The following ADAP1 variants were observed in gnomAD, a reference collection of about 807,000 sequenced individuals.
ADAP1 encodes arf-GAP with dual PH domain-containing protein 1.
ADAP1 carries 31 observed loss-of-function variants against 54.9 expected under a neutral mutation model. The observed-to-expected ratio is 0.56, with a 90% CI of 0.42 to 0.76. ADAP1 has a LOEUF of 0.76. Among genes scored for constraint, ADAP1 ranks in the 30% least tolerant of loss-of-function variants. ADAP1 has a pLI of 0.00. For missense variants in ADAP1, 535 were observed against 512.4 expected, an observed-to-expected ratio of 1.04 and a Z score of -0.42; for synonymous variants, 313 against 202.6, an observed-to-expected ratio of 1.55 and a Z score of -4.63.
chr7:921,483 G>C (rs1846189835), intron 3 of ADAP1, among the ~76,000 whole-genome samples: 1 of 152,148 alleles, frequency 6.6e-6, no homozygotes, highest in Non-Finnish European at 1.5e-5. Flanking sequence ...CCACGACTTG[G>C]TAATTTTTTA....
intron 5 of ADAP1, 70 bp from the exon 6 acceptor site, chr7:904,342 A>C: frequency 6.6e-7 from 1 of 1,505,912 alleles, no homozygotes. Flanking sequence ...GGAAGGGCAG[A>C]CCCTGTGGGT....
In ADAP1 at chr7:945,043, C is replaced by T. The variant is rs1583188073; in HGVS notation, c.82+9353G>A. Reference sequence around the variant, plus strand: ...ATGCTGAAGCTCTGCAGGGTGGGCTCACGTGTGTGTGTGCAGGTGTGTGTG... The same window carrying T: ...ATGCTGAAGCTCTGCAGGGTGGGCTTACGTGTGTGTGTGCAGGTGTGTGTG... On this transcript the variant is annotated intron_variant, in intron 1 of 10. Transcript: ENST00000265846. The surrounding 1 kb of genome is among the most constrained non-coding windows in gnomAD (Gnocchi z 4.2). Among the ~76,000 whole-genome samples, 1 of 152,204 alleles carries T rather than the reference C, an allele frequency of 6.6e-6. No homozygotes were observed. Among genetic ancestry groups the T allele is most frequent in the East Asian group, 1.9e-4 (1 of 5,164 alleles).
rs765650394 is a variant in ADAP1 at position 935,371 on chromosome 7, G to T, written c.213+4C>A. The T allele has an allele frequency of 3.9e-6, 6 of 1,524,442 alleles. No homozygotes were observed. Among genetic ancestry groups the T allele is most frequent in the Non-Finnish European group, 5.3e-6 (6 of 1,127,336 alleles). 94.4% of individuals were successfully genotyped at this position (1,524,442 alleles called of 1,614,324 possible). A position where few individuals can be genotyped will look rare whatever the true frequency, so the allele number is the denominator to read the frequency against. On this transcript the variant is annotated splice_donor_region_variant and intron_variant, in intron 2 of 10. Transcript: ENST00000265846. ...CGGGTCCCCCCGCCCCTCCCCCTCC[G>T]TACCTCCACTTGGGCCTCCTCCCAG...
intron 5 of ADAP1, 124 bp from the exon 6 acceptor site, chr7:904,396 C>T: frequency 7.9e-7 from 1 of 1,272,640 alleles, no homozygotes; most frequent in African/African-American, 1.5e-5. Context: ...GGGCAAGTTA[C>T]TTAAGCGCTC....
chr7:900,206 C>G lies in ADAP1; in HGVS notation c.733-42G>C, dbSNP rs369513186. The G allele has an allele frequency of 1.9e-6, 3 of 1,610,710 alleles. No individual in the cohort carries two copies. In the African/African-American group the frequency reaches 4.0e-5, roughly 22 times the overall value. ...CAGGCAGGGGACCTCAGAAGTGCAG[C>G]TCAGGCCGAGCCCCTCCCTGGCTGT... On this transcript the variant is annotated intron_variant, in intron 7 of 10. Coordinates refer to ENST00000265846, the MANE Select transcript of ADAP1 (RefSeq NM_006869.4).
chr7:934,386 GGA>G (rs35888109), intron 2 of ADAP1, among the ~76,000 whole-genome samples: 20,275 of 137,148 alleles, frequency 0.15, 2,131 homozygotes, highest in South Asian at 0.22. Context: ...CAGTGGTGTT[GGA>G]GAGGGGGGGC....
In ADAP1 at chr7:906,520, A is replaced by G. The variant is rs867075377; in HGVS notation, c.389-1348T>C. Reference sequence around the variant, plus strand: ...AGGAGAAAGGGAGAAAGGAGAAAGGAGAAAGGGAAAGGAGAAAGGAGAAGG... The same window carrying G: ...AGGAGAAAGGGAGAAAGGAGAAAGGGGAAAGGGAAAGGAGAAAGGAGAAGG... On this transcript the variant is annotated intron_variant, in intron 4 of 10. Transcript: ENST00000265846. 4.6e-4 allele frequency among the ~76,000 whole-genome samples: 22 copies of G among 47,794 alleles called. 1 individual carries two copies. The highest frequency in any genetic ancestry group is 6.7e-4 in the Non-Finnish European group (14 of 20,890). 31.4% of individuals were successfully genotyped at this position (47,794 alleles called of 152,430 possible).
intron 1 of ADAP1, among the ~76,000 whole-genome samples, chr7:948,196 G>C (rs565247509): frequency 6.6e-6 from 1 of 150,942 alleles, no homozygotes; most frequent in East Asian, 2.0e-4. Flanking sequence ...AGCCATGTCT[G>C]TCCCTCCCTC....
At chr7:907,041 G>C (rs1845495119) in intron 4 of ADAP1, among the ~76,000 whole-genome samples, 1 of 152,102 alleles carries the variant, frequency 6.6e-6, no homozygotes, top group African/African-American at 2.4e-5. Flanking sequence ...GGAGGACCAG[G>C]CTGGCCTCCT....
At position 906,701 on chromosome 7, in the gene ADAP1, ATG is replaced by A. The variant is rs539702376; in HGVS notation, c.389-1531_389-1530del. On this transcript the variant is annotated intron_variant, in intron 4 of 10. Transcript: ENST00000265846. ...GACAGGGGACACGGGGGACATGGAC[ATG>A]GGGGACGGGACATCGGGGACGGGAC... 2.3e-3 allele frequency among the ~76,000 whole-genome samples: 51 copies of A among 22,054 alleles called. 1 individual carries two copies. The highest frequency in any genetic ancestry group is 5.1e-3 in the East Asian group (1 of 198). 14.5% of individuals were successfully genotyped at this position (22,054 alleles called of 152,430 possible).
intron 1 of ADAP1, among the ~76,000 whole-genome samples, chr7:939,087 C>G (rs1337815073): frequency 6.6e-6 from 1 of 152,172 alleles, no homozygotes; most frequent in East Asian, 1.9e-4. Context: ...CGGCGTGGAC[C>G]AGCTGCCTGT....
At position 908,204 on chromosome 7, in the gene ADAP1, G is replaced by C. The variant is rs566927580; in HGVS notation, c.389-3032C>G. Among the ~76,000 whole-genome samples the C allele has an allele frequency of 3.9e-5, 6 of 152,286 alleles. No homozygotes were observed. The East Asian group carries it at 7.7e-4, about 20-fold the overall frequency. On this transcript the variant is annotated intron_variant, in intron 4 of 10. Transcript: ENST00000265846. Reference sequence around the variant, plus strand: ...GCCCCCTGCAGCAGCCAACAGGCCAGACAGAGGCTCAGATTGCAGACACCG... The same window carrying C: ...GCCCCCTGCAGCAGCCAACAGGCCACACAGAGGCTCAGATTGCAGACACCG...
chr7:910,784 A>T lies in ADAP1; in HGVS notation c.389-5612T>A, dbSNP rs200271924. 3.8e-4 allele frequency among the ~76,000 whole-genome samples: 58 copies of T among 152,250 alleles called. No individual in the cohort carries two copies. The East Asian group carries it at 4.4e-3, about 12-fold the overall frequency. On this transcript the variant is annotated intron_variant, in intron 4 of 10. Transcript: ENST00000265846. ...TCTGGCCTTCCACAGGGAGGGGTGC[A>T]CCATGGATGGGTGGCCTCTGAGAAC...
intron 4 of ADAP1, among the ~76,000 whole-genome samples, chr7:918,963 CAGA>C (rs1846048156): frequency 2.0e-5 from 3 of 151,656 alleles, no homozygotes; most frequent in Non-Finnish European, 4.4e-5. Flanking sequence ...GGGGCACAGC[CAGA>C]GGCTTGGCCA....
At chr7:911,769 C>T (rs1288575360) in intron 4 of ADAP1, among the ~76,000 whole-genome samples, 1 of 109,836 alleles carries the variant, frequency 9.1e-6, no homozygotes, top group Admixed American at 9.1e-5. Flanking sequence ...CACGGAGGGC[C>T]AGGAAGGGGG....
rs368311404 is a variant in ADAP1, at chr7:900,090, C to T, written c.795+12G>A. The T allele has an allele frequency of 2.4e-4, 389 of 1,612,896 alleles. 1 individual carries two copies. The African/African-American group carries it at 4.0e-3, about 16-fold the overall frequency. On this transcript the variant is annotated intron_variant, in intron 8 of 10. Transcript: ENST00000265846. Reference sequence around the variant, plus strand: ...CCCAGGCCACCCCAGGCCGCACGTGCGGCACACCCACCTTGGGCCCCGTCT... The same window carrying T: ...CCCAGGCCACCCCAGGCCGCACGTGTGGCACACCCACCTTGGGCCCCGTCT...
intron 4 of ADAP1, among the ~76,000 whole-genome samples, chr7:906,740 AGT>A (rs1845447980): frequency 7.7e-5 from 2 of 26,068 alleles, no homozygotes; most frequent in African/African-American, 1.6e-4. Context: ...TGGGGGACAG[AGT>A]ACATAGGGGA....
At chr7:935,560 G>T in intron 1 of ADAP1, 55 bp from the exon 2 acceptor site, 1 of 1,544,130 alleles carries the variant, frequency 6.5e-7, no homozygotes, top group Non-Finnish European at 8.7e-7. Flanking sequence ...CCCGGAGGGA[G>T]GGTGGACGGA....
At chr7:940,173 G>A (rs932379113) in intron 1 of ADAP1, among the ~76,000 whole-genome samples, 2 of 151,946 alleles carry the variant, frequency 1.3e-5, no homozygotes, top group African/African-American at 4.8e-5. Flanking sequence ...GGAGTTAAAT[G>A]TGAAGAAATA....
Sources: allele counts gnomAD v4.1 joint callset (sites outside exome capture counted in the v4.1 genomes callset), GRCh38; gene constraint gnomAD v4.1.1; non-coding constraint Gnocchi (gnomAD v3.1); transcripts MANE v1.5; gene names NCBI Gene and HGNC (gene_info 2026-07-23, HGNC 2026-07-21).